The following FAF1 variants were observed in gnomAD, a reference collection of about 807,000 sequenced individuals.
FAF1 encodes the protein Fas associated factor 1.
Under a neutral mutation model 92.5 loss-of-function variants are expected in FAF1, and 25 were observed. That is an observed-to-expected ratio of 0.27 (90% confidence interval 0.20 to 0.38). The LOEUF is 0.38. FAF1 is among the 10% of genes least tolerant of loss of function. The pLI is 1.00. For synonymous variants in FAF1, 234 were observed against 273.2 expected (o/e 0.86, Z 1.42); for missense variants, 636 against 793.3 (o/e 0.80, Z 2.38).
intron 4 of FAF1, among the ~76,000 whole-genome samples, chr1:50,768,010 A>G (rs1259827030): frequency 6.6e-6 from 1 of 152,232 alleles, no homozygotes; most frequent in Non-Finnish European, 1.5e-5. Context: ...GGCAAGTTAG[A>G]TACAGAAGAA....
chr1:50,517,718 A>AT (rs1557977993), intron 15 of FAF1, among the ~76,000 whole-genome samples: 1 of 152,174 alleles, frequency 6.6e-6, no homozygotes, highest in Non-Finnish European at 1.5e-5. Context: ...GTCAAATAAG[A>AT]TATTTTTCCA....
At chr1:50,547,468 C>CA (rs1649084932) in intron 13 of FAF1, among the ~76,000 whole-genome samples, 1 of 151,384 alleles carries the variant, frequency 6.6e-6, no homozygotes, top group South Asian at 2.1e-4. Context: ...GGCTGTAGTG[C>CA]AACGGCGTGA....
At chr1:50,595,835 G>A (rs1651777304) in intron 9 of FAF1, among the ~76,000 whole-genome samples, 1 of 152,124 alleles carries the variant, frequency 6.6e-6, no homozygotes, top group African/African-American at 2.4e-5. Flanking sequence ...GAGTGACTGT[G>A]CCCAGCCTAG....
chr1:50,780,461 G>A (rs1661131511), intron 4 of FAF1: 2 of 170,686 alleles, frequency 1.2e-5, no homozygotes, highest in African/African-American at 2.4e-5. Flanking sequence ...ATCTTTGACC[G>A]ATCCCATGGA....
At chr1:50,499,988 T>G (rs1198573721) in intron 15 of FAF1, among the ~76,000 whole-genome samples, 2 of 152,134 alleles carry the variant, frequency 1.3e-5, no homozygotes, top group Non-Finnish European at 2.9e-5. Flanking sequence ...ATGTCGAACA[T>G]CATAAAACAC....
At chr1:50,641,530 T>C (rs1167713584) in intron 8 of FAF1, among the ~76,000 whole-genome samples, 1 of 152,178 alleles carries the variant, frequency 6.6e-6, no homozygotes, top group African/African-American at 2.4e-5. Flanking sequence ...TAATTATGTT[T>C]GGTTAGTGAT....
chr1:50,586,431 A>G (rs576947339), intron 9 of FAF1, among the ~76,000 whole-genome samples: 1 of 152,288 alleles, frequency 6.6e-6, no homozygotes, highest in Non-Finnish European at 1.5e-5. Context: ...CATTTGACTT[A>G]GTGTCAAATG....
intron 7 of FAF1, among the ~76,000 whole-genome samples, chr1:50,675,138 G>A (rs984337048): frequency 1.3e-5 from 2 of 152,158 alleles, no homozygotes; most frequent in East Asian, 1.9e-4. Context: ...TGATCTGCCC[G>A]CTTGGCCTCC....
intron 4 of FAF1, among the ~76,000 whole-genome samples, chr1:50,766,049 G>T (rs1041555920): frequency 1.3e-5 from 2 of 151,954 alleles, no homozygotes; most frequent in Non-Finnish European, 2.9e-5. Context: ...CCGAGATCGC[G>T]CCATTGCACT....
chr1:50,812,493 T>C (rs555754994), intron 2 of FAF1, among the ~76,000 whole-genome samples: 2 of 152,230 alleles, frequency 1.3e-5, no homozygotes, highest in South Asian at 4.2e-4. Context: ...TCACTAATCA[T>C]TAGAGAAATG....
chr1:50,672,639 A>G (rs557976975), intron 7 of FAF1, among the ~76,000 whole-genome samples: 1 of 152,304 alleles, frequency 6.6e-6, no homozygotes, highest in East Asian at 1.9e-4. Flanking sequence ...TGGACAATAT[A>G]TTGATACTAC....
At chr1:50,877,594 G>T (rs983588392) in intron 1 of FAF1, among the ~76,000 whole-genome samples, 1 of 151,984 alleles carries the variant, frequency 6.6e-6, no homozygotes, top group Non-Finnish European at 1.5e-5. Context: ...ATAAATATGT[G>T]ATGTTTATAA....
intron 6 of FAF1, among the ~76,000 whole-genome samples, chr1:50,712,624 C>T (rs931104818): frequency 6.6e-6 from 1 of 152,072 alleles, no homozygotes; most frequent in Non-Finnish European, 1.5e-5. Context: ...CCACTGCACT[C>T]CAGCCTGGGC....
intron 4 of FAF1, among the ~76,000 whole-genome samples, chr1:50,755,286 A>C (rs1660030880): frequency 6.6e-6 from 1 of 152,176 alleles, no homozygotes; most frequent in South Asian, 2.1e-4. Flanking sequence ...ACTGGCCAAA[A>C]TGAAGGGCTA....
At position 50,583,717 on chromosome 1, in the gene FAF1, T is replaced by TA; in HGVS notation, c.968-3dup. The TA allele has an allele frequency of 6.4e-7, 1 of 1,559,994 alleles. No homozygotes were observed. The highest frequency in any genetic ancestry group is 8.7e-7 in the Non-Finnish European group (1 of 1,150,218). On this transcript the variant is annotated splice_polypyrimidine_tract_variant and splice_region_variant and intron_variant, in intron 10 of 18. Coordinates refer to ENST00000396153, the MANE Select transcript of FAF1 (RefSeq NM_007051.3). This position sits in a 1 kb window ranked among gnomAD's most constrained non-coding sequence, Gnocchi z 4.2. ...CTTCATTTTCTGCGTTTTCTGGCAC[T>TA]AAAAAACAAACAAAAGAAAAAACAA...
intron 1 of FAF1, among the ~76,000 whole-genome samples, chr1:50,942,456 G>A (rs915593957): frequency 6.6e-6 from 1 of 152,116 alleles, no homozygotes; most frequent in African/African-American, 2.4e-5. Context: ...AGGAAGGGGA[G>A]GGGAGGGAAA....
rs191047635 is a variant in FAF1 at position 50,944,923 on chromosome 1, A to G, written c.45+14844T>C. Among the ~76,000 whole-genome samples the G allele has an allele frequency of 4.7e-3, 719 of 152,280 alleles. 10 individuals are homozygous for G. Among genetic ancestry groups the G allele is most frequent in the Non-Finnish European group, 5.4e-3 (366 of 68,020 alleles). Reference sequence around the variant, plus strand: ...CCTTCCATTCTGATCATTACTCAGGAGTGATCAAGACGAGATAATCCTTTT... The same window carrying G: ...CCTTCCATTCTGATCATTACTCAGGGGTGATCAAGACGAGATAATCCTTTT... On this transcript the variant is annotated intron_variant, in intron 1 of 18. Transcript: ENST00000396153.
rs188171100 is a variant in FAF1, at chr1:50,810,872, G to C, written c.115-9195C>G. Among the ~76,000 whole-genome samples the C allele has an allele frequency of 1.3e-3, 192 of 152,258 alleles. 1 individual carries two copies. The highest frequency in any genetic ancestry group is 2.1e-3 in the Admixed American group (32 of 15,304). On this transcript the variant is annotated intron_variant, in intron 2 of 18. Transcript: ENST00000396153. ...GAGGCCAGCGTGGCCAACATGGTGAGACCCCGTCTCTACTGAAAACACAAA... is the reference window on the plus strand; with the variant it reads ...GAGGCCAGCGTGGCCAACATGGTGACACCCCGTCTCTACTGAAAACACAAA...
intron 8 of FAF1, among the ~76,000 whole-genome samples, chr1:50,601,173 C>T (rs1652108457): frequency 6.6e-6 from 1 of 152,116 alleles, no homozygotes; most frequent in Admixed American, 6.5e-5. Context: ...ATAAACAAAG[C>T]ATATAGTATT....
Sources: gnomAD v4.1 joint callset for allele counts (sites outside exome capture counted in the v4.1 genomes callset) on GRCh38, gnomAD v4.1.1 for gene constraint, Gnocchi (gnomAD v3.1) non-coding constraint, MANE v1.5 for transcripts, NCBI Gene and HGNC (gene_info 2026-07-23, HGNC 2026-07-21) for gene names.